Variants in HDAC8 observed in about 807,000 individuals in gnomAD.
HDAC8 encodes histone deacetylase-like 1.
A neutral mutation model predicts 32.2 loss-of-function variants in HDAC8; 1 was observed. The observed-to-expected ratio is 0.03, with a 90% confidence interval of 0.01 to 0.15. The LOEUF is 0.15. Ranked by LOEUF, HDAC8 falls within the 10% of genes least tolerant of loss-of-function variation. HDAC8 has a pLI of 1.00. For missense variants in HDAC8, 117 were observed against 300.0 expected (o/e 0.39, Z 4.51); for synonymous variants, 108 against 113.9 (o/e 0.95, Z 0.33).
At chrX:72,553,857 C>A (rs2051175162) in intron 4 of HDAC8, among the ~76,000 whole-genome samples, 1 of 112,280 alleles carries the variant, frequency 8.9e-6, no homozygotes, top group African/African-American at 3.2e-5. Flanking sequence ...TAAATTAATC[C>A]CCACAGTTCA....
At chrX:72,545,213 G>A (rs2050824928) in intron 4 of HDAC8, among the ~76,000 whole-genome samples, 2 of 111,898 alleles carry the variant, frequency 1.8e-5, no homozygotes, top group South Asian at 3.7e-4. Context: ...TCTCAGCAAG[G>A]AATGGCATAT....
At chrX:72,387,906 A>G (rs546918538) in intron 9 of HDAC8, among the ~76,000 whole-genome samples, 2 of 110,997 alleles carry the variant, frequency 1.8e-5, no homozygotes, top group African/African-American at 6.6e-5. Context: ...TATGTGTGTC[A>G]GATATTATAG....
intron 6 of HDAC8, among the ~76,000 whole-genome samples, chrX:72,490,653 A>G (rs1237658625): frequency 9.6e-6 from 1 of 104,434 alleles, no homozygotes; most frequent in African/African-American, 3.5e-5. Context: ...ACCTAATGCT[A>G]AATGACGAGT....
intron 9 of HDAC8, among the ~76,000 whole-genome samples, chrX:72,383,047 C>T (rs2045310649): frequency 8.9e-6 from 1 of 111,856 alleles, no homozygotes; most frequent in Non-Finnish European, 1.9e-5. Flanking sequence ...CAAACTGGTC[C>T]TAGGAAAGCT....
intron 9 of HDAC8, among the ~76,000 whole-genome samples, chrX:72,384,678 G>A (rs2045369263): frequency 8.9e-6 from 1 of 112,183 alleles, no homozygotes; most frequent in Non-Finnish European, 1.9e-5. Flanking sequence ...TAAAACCATT[G>A]TATTGAAAAA....
rs782809697 is a variant in HDAC8 at position 72,406,494 on chromosome X, G to A, written c.1006-54656C>T. Among the ~76,000 whole-genome samples the A allele has an allele frequency of 1.1e-4, 12 of 111,980 alleles. No individual in the cohort carries two copies. The East Asian group carries it at 3.4e-3, about 31-fold the overall frequency. ...GACTCTCCTGCTTCAGCCTCCCAAA[G>A]TGCTGGGATTACAGGCATGAGCCAC... On this transcript the variant is annotated intron_variant, in intron 9 of 10. Coordinates refer to ENST00000373573, the MANE Select transcript of HDAC8 (RefSeq NM_018486.3).
chrX:72,474,531 A>G, intron 7 of HDAC8: 1 of 1,089,567 alleles, frequency 9.2e-7, no homozygotes. Flanking sequence ...AAGGAGGGGG[A>G]GGACAGGCAT....
At chrX:72,521,659 C>T (rs781833608) in intron 4 of HDAC8, among the ~76,000 whole-genome samples, 1 of 111,525 alleles carries the variant, frequency 9.0e-6, no homozygotes. Context: ...GCACTAAAAA[C>T]AAGTGCTTTT....
At chrX:72,344,744 C>A (rs924238604) in intron 10 of HDAC8, among the ~76,000 whole-genome samples, 1 of 110,961 alleles carries the variant, frequency 9.0e-6, no homozygotes, top group African/African-American at 3.3e-5. Context: ...CCCTGATCCT[C>A]TATAAATGGC....
intron 4 of HDAC8, among the ~76,000 whole-genome samples, chrX:72,530,446 T>G (rs1395464976): frequency 2.9e-5 from 3 of 105,260 alleles, no homozygotes; most frequent in African/African-American, 1.0e-4. Context: ...TTTTATGCGT[T>G]TTTTTTTTTT....
At chrX:72,422,771 T>C (rs1381326272) in intron 9 of HDAC8, among the ~76,000 whole-genome samples, 4 of 111,299 alleles carry the variant, frequency 3.6e-5, no homozygotes, top group African/African-American at 1.3e-4. Context: ...CTGGCTTGGG[T>C]GAGTTCTGAG....
At chrX:72,479,202 G>A (rs186280256) in intron 7 of HDAC8, among the ~76,000 whole-genome samples, 6 of 111,865 alleles carry the variant, frequency 5.4e-5, no homozygotes, top group East Asian at 2.8e-4. Context: ...ATAACATGTC[G>A]AAGCAAAACG....
At chrX:72,486,641 C>T (rs1432739108) in intron 7 of HDAC8, among the ~76,000 whole-genome samples, 1 of 111,707 alleles carries the variant, frequency 9.0e-6, no homozygotes, top group Non-Finnish European at 1.9e-5. Context: ...CATGCCATTG[C>T]ACTCCAGCCT....
intron 10 of HDAC8, among the ~76,000 whole-genome samples, chrX:72,332,708 G>C (rs150974858): frequency 0.058 from 6,389 of 109,306 alleles, 493 homozygotes; most frequent in African/African-American, 0.2. Flanking sequence ...CTGGAGTGCA[G>C]TGGTGCGATC....
chrX:72,414,445 A>G (rs1477314004), intron 9 of HDAC8, among the ~76,000 whole-genome samples: 1 of 111,982 alleles, frequency 8.9e-6, no homozygotes, highest in Admixed American at 9.5e-5. Context: ...TTAGAGCGAA[A>G]TAACTAATAC....
At chrX:72,357,613 G>A (rs2044408137) in intron 9 of HDAC8, among the ~76,000 whole-genome samples, 1 of 111,136 alleles carries the variant, frequency 9.0e-6, no homozygotes, top group Admixed American at 9.5e-5. Context: ...AAAGTCAGTG[G>A]AGGGTGGGCA....
rs566488615 is a variant in HDAC8, at chrX:72,548,136, A to T, written c.437+19753T>A. Among the ~76,000 whole-genome samples the T allele has an allele frequency of 5.2e-4, 58 of 111,653 alleles. 2 individuals carry two copies. In the South Asian group the frequency reaches 0.022, roughly 42 times the overall value. Reference sequence around the variant, plus strand: ...CAATCAGAGTTATTTTCCTACAAACATCTAACCGTGTTACTTCCTAACACA... The same window carrying T: ...CAATCAGAGTTATTTTCCTACAAACTTCTAACCGTGTTACTTCCTAACACA... On this transcript the variant is annotated intron_variant, in intron 4 of 10. Coordinates refer to ENST00000373573, the MANE Select transcript of HDAC8 (RefSeq NM_018486.3).
At chrX:72,553,321 G>A (rs1006209429) in intron 4 of HDAC8, among the ~76,000 whole-genome samples, 1 of 111,827 alleles carries the variant, frequency 8.9e-6, no homozygotes, top group Non-Finnish European at 1.9e-5. Flanking sequence ...TGGGATTACA[G>A]GTGTGAGCCA....
At chrX:72,348,206 T>C (rs1402548792) in intron 10 of HDAC8, among the ~76,000 whole-genome samples, 1 of 112,275 alleles carries the variant, frequency 8.9e-6, no homozygotes, top group African/African-American at 3.2e-5. Context: ...AGAGTGGAGC[T>C]GAATCCATTC....
Sources: gnomAD v4.1 joint callset for allele counts (sites outside exome capture counted in the v4.1 genomes callset) on GRCh38, gnomAD v4.1.1 for gene constraint, MANE v1.5 for transcripts, NCBI Gene and HGNC (gene_info 2026-07-23, HGNC 2026-07-21) for gene names.